The following AGAP1 variants were observed in gnomAD, a reference collection of about 807,000 sequenced individuals.
The protein encoded by AGAP1 is ArfGAP with GTPase domain, ankyrin repeat and PH domain 1.
A neutral mutation model predicts 105.3 loss-of-function variants in AGAP1; 29 were observed. The observed-to-expected ratio is 0.28, with a 90% confidence interval of 0.21 to 0.38. The LOEUF is 0.38. AGAP1 is among the 10% of genes least tolerant of loss of function. AGAP1 has a pLI of 1.00. For missense variants in AGAP1, 998 were observed against 1,165.1 expected, an observed-to-expected ratio of 0.86 and a Z score of 2.09; for synonymous variants, 509 against 485.9, an observed-to-expected ratio of 1.05 and a Z score of -0.63.
rs546747141 is a variant in AGAP1, at chr2:235,714,597, C to T, written c.223-2960C>T. Among the ~76,000 whole-genome samples the T allele has an allele frequency of 2.6e-5, 4 of 151,550 alleles. No homozygotes were observed. Among genetic ancestry groups the T allele is most frequent in the South Asian group, 2.1e-4 (1 of 4,784 alleles). ...TAACTGGGGTGTAAGAGGACAGGAC[C>T]GAGCATAGGTTTTAGAAAGGCCACT... On this transcript the variant is annotated intron_variant, in intron 2 of 17. Coordinates refer to ENST00000304032, the MANE Select transcript of AGAP1 (RefSeq NM_001037131.3). This position sits in a 1 kb window ranked among gnomAD's most constrained non-coding sequence, Gnocchi z 4.1.
At chr2:236,059,098 T>C (rs796149099) in intron 16 of AGAP1, among the ~76,000 whole-genome samples, 5 of 151,880 alleles carry the variant, frequency 3.3e-5, no homozygotes, top group African/African-American at 1.2e-4. Flanking sequence ...AGGCTGAGGC[T>C]GGAGGATTAC....
chr2:235,880,363 A>G (rs1028957405), intron 9 of AGAP1, among the ~76,000 whole-genome samples: 11 of 152,072 alleles, frequency 7.2e-5, no homozygotes, highest in African/African-American at 2.7e-4. Flanking sequence ...GGAAGGGATG[A>G]AGCTTTCTGA....
chr2:235,880,450 A>G (rs1367131068), intron 9 of AGAP1, among the ~76,000 whole-genome samples: 1 of 152,118 alleles, frequency 6.6e-6, no homozygotes, highest in Non-Finnish European at 1.5e-5. Context: ...TCCATCTGAA[A>G]TGAATGACGG....
chr2:235,749,392 A>G (rs1342879409), intron 5 of AGAP1, among the ~76,000 whole-genome samples: 1 of 151,362 alleles, frequency 6.6e-6, no homozygotes, highest in East Asian at 1.9e-4. Context: ...AAAAAAAAAA[A>G]GCTCAGTTTC....
chr2:235,557,556 A>G lies in AGAP1; in HGVS notation c.163+62707A>G, dbSNP rs998155466. Among the ~76,000 whole-genome samples, 2 of 152,160 alleles carry G rather than the reference A, an allele frequency of 1.3e-5. No individual in the cohort carries two copies. Among genetic ancestry groups the G allele is most frequent in the African/African-American group, 4.8e-5 (2 of 41,424 alleles). On this transcript the variant is annotated intron_variant, in intron 1 of 17. Coordinates refer to ENST00000304032, the MANE Select transcript of AGAP1 (RefSeq NM_001037131.3). The surrounding 1 kb of genome is among the most constrained non-coding windows in gnomAD (Gnocchi z 4.7). ...GAAACGATGATGTCAGTGAACATTT[A>G]TTGGCCTTTTTTTCTGTGCCAATAA...
chr2:235,732,824 A>G lies in AGAP1; in HGVS notation c.311-8139A>G, dbSNP rs1441476661. Among the ~76,000 whole-genome samples the G allele has an allele frequency of 1.3e-5, 2 of 152,018 alleles. No individual in the cohort carries two copies. The highest frequency in any genetic ancestry group is 4.8e-5 in the African/African-American group (2 of 41,388). On this transcript the variant is annotated intron_variant, in intron 3 of 17. Coordinates refer to ENST00000304032, the MANE Select transcript of AGAP1 (RefSeq NM_001037131.3). This position sits in a 1 kb window ranked among gnomAD's most constrained non-coding sequence, Gnocchi z 4.8. ...GGTGGGAGAAGGTGAGGGAGAGGAG[A>G]TGCTCTCATCCTGAGTGTCCTGGAC...
chr2:235,763,989 T>TGCAGCTATGATCCGTGC lies in AGAP1; in HGVS notation c.673+13502_673+13503insCAGCTATGATCCGTGCG, dbSNP rs141322604. ...CAGAGCACTGGTCTGAAGATCTGTG[T>TGCAGCTATGATCCGTGC]GTGGCTGTGATCCGTGCGTGGCTGT... On this transcript the variant is annotated intron_variant, in intron 6 of 17. Transcript: ENST00000304032. Among the ~76,000 whole-genome samples the TGCAGCTATGATCCGTGC allele has an allele frequency of 8.1e-3, 1,163 of 142,864 alleles. 13 individuals carry two copies. The highest frequency in any genetic ancestry group is 0.033 in the African/African-American group (1,101 of 33,420). 93.7% of individuals were successfully genotyped at this position (142,864 alleles called of 152,430 possible).
chr2:235,508,780 G>A (rs1465754487), intron 1 of AGAP1, among the ~76,000 whole-genome samples: 1 of 152,204 alleles, frequency 6.6e-6, no homozygotes, highest in Non-Finnish European at 1.5e-5. Flanking sequence ...ATGTTAGTGG[G>A]CAGTTAACTT....
At chr2:235,969,989 G>A (rs1289224820) in intron 13 of AGAP1, among the ~76,000 whole-genome samples, 1 of 152,018 alleles carries the variant, frequency 6.6e-6, no homozygotes, top group Non-Finnish European at 1.5e-5. Context: ...ATCACCTGAC[G>A]TCAGGAGTTT....
intron 1 of AGAP1, among the ~76,000 whole-genome samples, chr2:235,675,173 G>C (rs542833964): frequency 7.2e-6 from 1 of 139,746 alleles, no homozygotes; most frequent in South Asian, 2.3e-4. Flanking sequence ...TTTGTTGGTT[G>C]GTTGGTTGGT....
At chr2:235,670,510 C>T in intron 1 of AGAP1, 2 of 496,930 alleles carry the variant, frequency 4.0e-6, no homozygotes, top group Admixed American at 3.9e-5. Flanking sequence ...CCGCGTCCGG[C>T]AGCCCCGACG....
rs1276367157 is a variant in AGAP1, at chr2:235,979,750, T to C, written c.1645+11127T>C. On this transcript the variant is annotated intron_variant, in intron 13 of 17. Coordinates refer to ENST00000304032, the MANE Select transcript of AGAP1 (RefSeq NM_001037131.3). The surrounding 1 kb of genome is among the most constrained non-coding windows in gnomAD (Gnocchi z 4.5). ...AAATCTATCAAATGGGTAAAATCAA[T>C]GACATTGTATCAGAGTTCATGAAAA... 6.6e-6 allele frequency among the ~76,000 whole-genome samples: 1 copy of C among 152,214 alleles called. No individual in the cohort carries two copies.
chr2:235,975,783 G>C (rs897989499), intron 13 of AGAP1, among the ~76,000 whole-genome samples: 9 of 152,014 alleles, frequency 5.9e-5, no homozygotes, highest in Admixed American at 5.2e-4. Flanking sequence ...ACATTCCACC[G>C]GCACCTCCCG....
intron 9 of AGAP1, among the ~76,000 whole-genome samples, chr2:235,818,928 G>C (rs906094938): frequency 6.6e-6 from 1 of 152,080 alleles, no homozygotes; most frequent in Non-Finnish European, 1.5e-5. Flanking sequence ...GTACTTTCCT[G>C]GTGGGGCACC....
At chr2:235,504,164 C>T (rs140219921) in intron 1 of AGAP1, among the ~76,000 whole-genome samples, 92 of 151,874 alleles carry the variant, frequency 6.1e-4, no homozygotes, top group Non-Finnish European at 9.9e-4. Flanking sequence ...TTTTTTTTGA[C>T]ACATAACAGA....
chr2:236,117,027 C>T (rs962028323), intron 16 of AGAP1, among the ~76,000 whole-genome samples: 2 of 152,136 alleles, frequency 1.3e-5, no homozygotes, highest in African/African-American at 4.8e-5. Context: ...GGGTAGGTTC[C>T]ACAATTTTGC....
At chr2:235,546,281 G>A (rs1049781274) in intron 1 of AGAP1, among the ~76,000 whole-genome samples, 2 of 152,318 alleles carry the variant, frequency 1.3e-5, no homozygotes, top group East Asian at 1.9e-4. Flanking sequence ...AGGCCCTCGG[G>A]TGCCACCTGA....
intron 1 of AGAP1, among the ~76,000 whole-genome samples, chr2:235,502,315 G>T (rs898229076): frequency 6.6e-6 from 1 of 152,150 alleles, no homozygotes; most frequent in Non-Finnish European, 1.5e-5. Context: ...TGAGTAACCA[G>T]CCAGATAGCT....
intron 10 of AGAP1, among the ~76,000 whole-genome samples, chr2:235,885,576 T>C (rs2124850939): frequency 6.6e-6 from 1 of 152,326 alleles, no homozygotes; most frequent in Non-Finnish European, 1.5e-5. Context: ...CATCTGGCAG[T>C]GTATAAGAGA....
Sources: allele counts gnomAD v4.1 joint callset (sites outside exome capture counted in the v4.1 genomes callset), GRCh38; gene constraint gnomAD v4.1.1; non-coding constraint Gnocchi (gnomAD v3.1); transcripts MANE v1.5; gene names NCBI Gene and HGNC (gene_info 2026-07-23, HGNC 2026-07-21).